The following CBX2 variants were observed in gnomAD, a reference collection of about 807,000 sequenced individuals.
The protein encoded by CBX2 is chromobox protein homolog 2.
Under a neutral mutation model 21.0 loss-of-function variants are expected in CBX2, and 11 were observed. The ratio of observed to expected loss-of-function variants is 0.52; its 90% CI spans 0.33 to 0.87. CBX2 has a LOEUF of 0.87. Among genes scored for constraint, CBX2 ranks in the 40% least tolerant of loss-of-function variants. The pLI is 0.02. For missense variants in CBX2, 746 were observed against 724.3 expected (o/e 1.03, Z -0.34); for synonymous variants, 364 against 304.6 (o/e 1.19, Z -2.03).
In CBX2 at chr17:79,782,102, A is replaced by C; in HGVS notation, c.288+301A>C. 3 of 1,613,394 alleles carry C rather than the reference A, an allele frequency of 1.9e-6. No homozygotes were observed. In the South Asian group the frequency reaches 3.3e-5, roughly 18 times the overall value. On this transcript the variant is annotated intron_variant, in intron 4 of 4. Transcript: ENST00000310942. ...CTGCAGACAAGCACTCTTCCCTCCCAGGGGGTCCTTGGGGGACGGAAAGGA... is the reference window on the plus strand; with the variant it reads ...CTGCAGACAAGCACTCTTCCCTCCCCGGGGGTCCTTGGGGGACGGAAAGGA...
rs782126290 is a variant in CBX2, at chr17:79,784,709, C to A, written c.1266C>A (p.Pro422=). 6.2e-7 allele frequency: 1 copy of A among 1,611,510 alleles called. No homozygotes were observed. ...TGGCTTCCAGAGCAGTGGCGCCACC[C>A]ACCCCTGCCAGCAAGAGGGACTGTG... ...EKLASRAVAP[P]TPASKRDCVK... is the part of the protein sequence containing the mutation. Residue 422 remains proline (P), a synonymous_variant, in exon 5 of 5, where the codon CCC becomes CCA. Coordinates refer to ENST00000310942, the MANE Select transcript of CBX2 (RefSeq NM_005189.3). The surrounding 1 kb of genome is among the most constrained non-coding windows in gnomAD (Gnocchi z 5.9).
Position 79,778,445 on chromosome 17 carries a change from C to T in CBX2, c.116+18C>T. The T allele has an allele frequency of 6.6e-7, 1 of 1,505,122 alleles. No individual in the cohort carries two copies. Among genetic ancestry groups the T allele is most frequent in the African/African-American group, 1.4e-5 (1 of 69,756 alleles). The allele number at this position is 1,505,122 out of a possible 1,614,324, so 93.2% of individuals were successfully genotyped here. ...TCCTCCAAGTGAGTCCCCCGCGACG[C>T]CGCGCCCCCCTCCCGCCCCCTCGCC... On this transcript the variant is annotated intron_variant, in intron 2 of 4. Transcript: ENST00000310942. This position sits in a 1 kb window ranked among gnomAD's most constrained non-coding sequence, Gnocchi z 4.8.
chr17:79,780,890 T>G (rs1157567944), intron 3 of CBX2, among the ~76,000 whole-genome samples: 1 of 152,196 alleles, frequency 6.6e-6, no homozygotes, highest in Non-Finnish European at 1.5e-5. Context: ...GTATGAACTT[T>G]GCCTGGTACT....
At chr17:79,779,778 A>G in intron 3 of CBX2, 1 of 334,736 alleles carries the variant, frequency 3.0e-6, no homozygotes, top group Non-Finnish European at 5.9e-6. Flanking sequence ...ACATGGCGCT[A>G]ACAGAAAACC....
In CBX2 at chr17:79,786,908, C is replaced by T. The variant is rs1409276366; in HGVS notation, c.*1866C>T. On this transcript the variant is annotated 3_prime_UTR_variant, in exon 5 of 5. Coordinates refer to ENST00000310942, the MANE Select transcript of CBX2 (RefSeq NM_005189.3). ...GTGCCTTTGGGGAGGGACCCATGTC[C>T]ATGGCTTCGTTGAGGGCCATCCATA... 1 of 152,718 alleles carries T rather than the reference C, an allele frequency of 6.5e-6. No homozygotes were observed. The highest frequency in any genetic ancestry group is 2.4e-5 in the African/African-American group (1 of 41,478). The allele number at this position is 152,718 out of a possible 1,614,324, so 9.5% of individuals were successfully genotyped here. A position where few individuals can be genotyped will look rare whatever the true frequency, so the allele number is the denominator to read the frequency against.
chr17:79,784,886 G>A lies in CBX2; in HGVS notation c.1443G>A (p.Gln481=), dbSNP rs1328566689. ...PDSASPPSTG[Q]NPSVSVQTSQ... ...CCGCCTCGCCGCCCAGCACTGGACA[G>A]AACCCGTCAGTGTCCGTTCAGACCA... The change falls in exon 5 of 5, where the codon CAG becomes CAA. Residue 481 remains glutamine (Q), a synonymous_variant. Transcript: ENST00000310942. This position sits in a 1 kb window ranked among gnomAD's most constrained non-coding sequence, Gnocchi z 5.9. 3.7e-6 allele frequency: 6 copies of A among 1,613,490 alleles called. No homozygotes were observed. The highest frequency in any genetic ancestry group is 5.1e-6 in the Non-Finnish European group (6 of 1,180,034).
intron 3 of CBX2, among the ~76,000 whole-genome samples, chr17:79,780,850 A>G (rs1907129907): frequency 1.3e-5 from 2 of 152,178 alleles, no homozygotes; most frequent in African/African-American, 4.8e-5. Flanking sequence ...TCCTTTTAGG[A>G]GATTTCAGGT....
intron 4 of CBX2, chr17:79,782,209 G>T (rs953344541): frequency 1.9e-6 from 3 of 1,607,182 alleles, no homozygotes; most frequent in Non-Finnish European, 2.5e-6. Context: ...GGGCTACTCC[G>T]GGCCCACCTG....
intron 3 of CBX2, 121 bp downstream of exon 3, chr17:79,779,548 G>A (rs1049594124): frequency 4.3e-5 from 37 of 853,096 alleles, no homozygotes; most frequent in Non-Finnish European, 6.4e-5. Flanking sequence ...AGGTCCCTTA[G>A]CAAGATTGTG....
At chr17:79,781,858 G>A (rs1458247121) in intron 4 of CBX2, 57 bp downstream of exon 4, 2 of 1,614,140 alleles carry the variant, frequency 1.2e-6, no homozygotes, top group Non-Finnish European at 1.7e-6. Flanking sequence ...TTGGCGTAGG[G>A]GGCAGGCAGA....
chr17:79,780,794 C>T (rs1555830007), intron 3 of CBX2, among the ~76,000 whole-genome samples: 1 of 152,156 alleles, frequency 6.6e-6, no homozygotes. Context: ...GCAGTCAGTG[C>T]ACAGGTTAAT....
chr17:79,784,743 A>T lies in CBX2; in HGVS notation c.1300A>T (p.Ser434Cys), dbSNP rs781786898. The T allele has an allele frequency of 5.0e-6, 8 of 1,611,058 alleles. No individual in the cohort carries two copies. The East Asian group carries it at 1.8e-4, about 36-fold the overall frequency. ...CAGCAAGAGGGACTGTGTCAAGGGC[A>T]GTGCTACCCCCAGTGGGCAGGAGAG... ...PASKRDCVKG[S>C]ATPSGQESRT... Residue 434 changes from serine (S) to cysteine (C), a missense_variant, in exon 5 of 5, where the codon AGT (serine) becomes TGT (cysteine). Around this residue, in one of 2 missense-constraint regions of CBX2, gnomAD observed 701 missense variants for 650.7 expected, o/e 1.08. Coordinates refer to ENST00000310942, the MANE Select transcript of CBX2 (RefSeq NM_005189.3). The surrounding 1 kb of genome is among the most constrained non-coding windows in gnomAD (Gnocchi z 5.9).
rs782652637 is a variant in CBX2, at chr17:79,785,391, G to T, written c.*349G>T. On this transcript the variant is annotated 3_prime_UTR_variant, in exon 5 of 5. Transcript: ENST00000310942. ...GCTGCGTTGTTGCTGAGTTTGAACT[G>T]CTCCTCCCTGGCCTGCGTGACTGAA... 27 of 373,788 alleles carry T rather than the reference G, an allele frequency of 7.2e-5. No individual in the cohort carries two copies. Among genetic ancestry groups the T allele is most frequent in the Non-Finnish European group, 1.3e-4 (25 of 196,890 alleles). The allele number at this position is 373,788 out of a possible 1,614,324, so 23.2% of individuals were successfully genotyped here.
In CBX2 at chr17:79,783,893, G is replaced by A; in HGVS notation, c.450G>A (p.Leu150=). ...HPVPQKKAQI[L]VAKPELKDPI... is the part of the protein sequence containing the mutation. ...TGCCGCAGAAGAAGGCCCAGATCCT[G>A]GTGGCCAAACCCGAGCTGAAGGATC... is the stretch of plus-strand genomic sequence containing the variant. The change falls in exon 5 of 5, where the codon CTG becomes CTA. Residue 150 remains leucine (L), a synonymous_variant. Transcript: ENST00000310942. 1.9e-6 allele frequency: 3 copies of A among 1,614,084 alleles called. No homozygotes were observed. The highest frequency in any genetic ancestry group is 1.3e-5 in the African/African-American group (1 of 75,070).
chr17:79,782,111 T>C, intron 4 of CBX2: 9 of 1,613,308 alleles, frequency 5.6e-6, no homozygotes, highest in Non-Finnish European at 7.6e-6. Flanking sequence ...CAGGGGGTCC[T>C]TGGGGGACGG....
At chr17:79,782,576 C>T (rs952368645) in intron 4 of CBX2, 26 of 890,368 alleles carry the variant, frequency 2.9e-5, no homozygotes, top group Non-Finnish European at 9.7e-6. Flanking sequence ...CTAACTGAAC[C>T]TGCCTTTCCA....
chr17:79,784,660 C>G lies in CBX2; in HGVS notation c.1217C>G (p.Thr406Ser), dbSNP rs1555831303. 1 of 1,612,318 alleles carries G rather than the reference C, an allele frequency of 6.2e-7. No individual in the cohort carries two copies. The highest frequency in any genetic ancestry group is 1.3e-5 in the African/African-American group (1 of 74,942). Residue 406 changes from threonine to serine, a missense_variant, in exon 5 of 5, where the codon ACC becomes AGC. This residue lies in a region of CBX2 where 701 missense variants were observed against 650.7 expected (regional missense o/e 1.08). Transcript: ENST00000310942. The surrounding 1 kb of genome is among the most constrained non-coding windows in gnomAD (Gnocchi z 5.9). ...GGGGCCAGCGGGGCCACCATGCCCA[C>G]CGACACAAGCAAAAGTGAGAAGCTG... ...LIGASGATMPTDTSKSEKLAS... is the reference protein window; with the variant it reads ...LIGASGATMPSDTSKSEKLAS...
In CBX2 at chr17:79,783,760, CCAG is replaced by C; in HGVS notation, c.321_323del (p.Ser113del). ...CCCGATGCTCCCTCCAAATCCAAGTCCAGCAGTTCCTCCTCTTCCTCCACGTCA... is the reference window on the plus strand; with the variant it reads ...CCCGATGCTCCCTCCAAATCCAAGTCCAGTTCCTCCTCTTCCTCCACGTCA... On this transcript the variant is annotated inframe_deletion, in exon 5 of 5. Transcript: ENST00000310942. 6.4e-7 allele frequency: 1 copy of C among 1,555,052 alleles called. No homozygotes were observed. The highest frequency in any genetic ancestry group is 1.4e-5 in the African/African-American group (1 of 73,232).
At chr17:79,782,143 A>C (rs377399762) in intron 4 of CBX2, 1 of 1,612,746 alleles carries the variant, frequency 6.2e-7, no homozygotes. Context: ...AAGCATGCGT[A>C]CAGTAGGTGC....
Sources: gnomAD v4.1 joint callset for allele counts (sites outside exome capture counted in the v4.1 genomes callset) on GRCh38, gnomAD v4.1.1 for gene constraint, gnomAD v4.1.1 regional missense constraint, Gnocchi (gnomAD v3.1) non-coding constraint, MANE v1.5 for transcripts, NCBI Gene and HGNC (gene_info 2026-07-23, HGNC 2026-07-21) for gene names.